Variants in TAMM41 observed in about 807,000 individuals in gnomAD.
TAMM41 encodes phosphatidate cytidylyltransferase, mitochondrial.
In TAMM41, 36 loss-of-function variants were observed where a neutral mutation model predicts 44.1. The observed-to-expected ratio is 0.82, with a 90% confidence interval of 0.63 to 1.08. The LOEUF (loss-of-function observed/expected upper bound fraction) is 1.08, where lower values mean the gene tolerates loss of function less well. TAMM41 is among the 50% of genes least tolerant of loss of function. TAMM41 has a pLI of 0.00. For missense variants in TAMM41, 417 were observed against 404.3 expected (o/e 1.03, Z -0.27); for synonymous variants, 164 against 153.1 (o/e 1.07, Z -0.53).
In TAMM41 at chr3:11,821,242, T is replaced by G. The variant is rs532039623; in HGVS notation, c.563-3905A>C. 6.6e-5 allele frequency among the ~76,000 whole-genome samples: 10 copies of G among 152,342 alleles called. No individual in the cohort carries two copies. In the South Asian group the frequency reaches 2.1e-3, roughly 32 times the overall value. ...ATTTATTGTGCACTTCATTTGTTATTATTACATTGTAATATATAATGAAAG... is the reference window on the plus strand; with the variant it reads ...ATTTATTGTGCACTTCATTTGTTATGATTACATTGTAATATATAATGAAAG... On this transcript the variant is annotated intron_variant, in intron 4 of 7. Transcript: ENST00000455809.
the TAMM41 span, among the ~76,000 whole-genome samples, chr3:11,764,587 C>G: frequency 2.0e-5 from 3 of 147,670 alleles, no homozygotes; most frequent in Non-Finnish European, 4.5e-5. Context: ...CCGCCTCCCA[C>G]GTTCACGCCA....
the TAMM41 span, among the ~76,000 whole-genome samples, chr3:11,756,430 GTC>G: frequency 6.6e-6 from 1 of 152,212 alleles, no homozygotes; most frequent in East Asian, 1.9e-4. Context: ...TTTCCAGACA[GTC>G]TCTCAGTTAA....
intron 7 of TAMM41, among the ~76,000 whole-genome samples, chr3:11,795,379 T>G (rs1365970072): frequency 6.6e-6 from 1 of 152,178 alleles, no homozygotes; most frequent in Non-Finnish European, 1.5e-5. Context: ...TTCTGACTCC[T>G]CCTTCATGTC....
At chr3:11,730,487 C>A in the TAMM41 span, among the ~76,000 whole-genome samples, 2 of 150,692 alleles carry the variant, frequency 1.3e-5, no homozygotes, top group Non-Finnish European at 2.9e-5. Flanking sequence ...GTAATCCCAA[C>A]ATTTTGGGAG....
the TAMM41 span, among the ~76,000 whole-genome samples, chr3:11,749,522 C>A: frequency 9.2e-5 from 14 of 152,332 alleles, 1 homozygote; most frequent in East Asian, 2.7e-3. Context: ...TTGTTTAGTA[C>A]TAGAGTTGCT....
intron 7 of TAMM41, among the ~76,000 whole-genome samples, chr3:11,806,440 C>T (rs1056713891): frequency 6.6e-6 from 1 of 152,030 alleles, no homozygotes; most frequent in Non-Finnish European, 1.5e-5. Context: ...ATGCAAAAAA[C>T]AGGAGCATTC....
rs146536030 is a variant in TAMM41, at chr3:11,825,705, G to A, written c.562+4009C>T. 1.0e-3 allele frequency among the ~76,000 whole-genome samples: 155 copies of A among 152,236 alleles called. No individual in the cohort carries two copies. In the East Asian group the frequency reaches 0.024, roughly 23 times the overall value. On this transcript the variant is annotated intron_variant, in intron 4 of 7. Transcript: ENST00000455809. Reference sequence around the variant, plus strand: ...CTCTCATAGGAGAGTGCCCGAAAGTGTTTTTCATTCCATGAGGACCTTAAC... The same window carrying A: ...CTCTCATAGGAGAGTGCCCGAAAGTATTTTTCATTCCATGAGGACCTTAAC...
chr3:11,775,885 T>G, the TAMM41 span, among the ~76,000 whole-genome samples: 1 of 152,212 alleles, frequency 6.6e-6, no homozygotes, highest in Non-Finnish European at 1.5e-5. Flanking sequence ...GAAGTGTGTG[T>G]GTGTGAGATC....
chr3:11,840,750 A>G (rs1253480669), intron 2 of TAMM41, among the ~76,000 whole-genome samples: 1 of 151,994 alleles, frequency 6.6e-6, no homozygotes, highest in Admixed American at 6.6e-5. Context: ...ACAGTTTGAG[A>G]AGTGATAATT....
the TAMM41 span, among the ~76,000 whole-genome samples, chr3:11,723,329 C>T: frequency 6.6e-6 from 1 of 151,996 alleles, no homozygotes; most frequent in African/African-American, 2.4e-5. Context: ...CCTGTATTCC[C>T]AGCACTTTGG....
chr3:11,798,049 G>A (rs939753504), intron 7 of TAMM41, among the ~76,000 whole-genome samples: 1 of 152,182 alleles, frequency 6.6e-6, no homozygotes, highest in Admixed American at 6.5e-5. Flanking sequence ...ACTGCTGGCA[G>A]GGGTGTAAAT....
the TAMM41 span, among the ~76,000 whole-genome samples, chr3:11,780,219 C>T: frequency 2.0e-5 from 3 of 152,234 alleles, no homozygotes; most frequent in South Asian, 6.2e-4. Context: ...AGACCTTTCA[C>T]GATCTGGCCT....
intron 3 of TAMM41, chr3:11,832,891 C>T: frequency 1.4e-6 from 1 of 725,542 alleles, no homozygotes; most frequent in Non-Finnish European, 1.7e-6. Flanking sequence ...GGGAAATTTT[C>T]CCAGTTAACA....
At chr3:11,754,116 AC>A in the TAMM41 span, among the ~76,000 whole-genome samples, 1 of 151,028 alleles carries the variant, frequency 6.6e-6, no homozygotes, top group African/African-American at 2.4e-5. Context: ...GGTAACCGAG[AC>A]CCCCTGCTCC....
chr3:11,738,808 G>A, the TAMM41 span, among the ~76,000 whole-genome samples: 1 of 152,118 alleles, frequency 6.6e-6, no homozygotes, highest in African/African-American at 2.4e-5. Flanking sequence ...CTCAGGCCTC[G>A]TCCCACACAT....
the TAMM41 span, among the ~76,000 whole-genome samples, chr3:11,778,165 T>C: frequency 1.3e-5 from 2 of 152,166 alleles, no homozygotes; most frequent in Non-Finnish European, 2.9e-5. Flanking sequence ...ACATATATTT[T>C]CATTTCTCTT....
chr3:11,740,949 G>A, the TAMM41 span, among the ~76,000 whole-genome samples: 1 of 146,910 alleles, frequency 6.8e-6, no homozygotes, highest in Middle Eastern at 3.4e-3. Context: ...GGCCGGGCGT[G>A]GTGGCTCACG....
chr3:11,821,537 C>T (rs1377457123), intron 4 of TAMM41, among the ~76,000 whole-genome samples: 1 of 152,196 alleles, frequency 6.6e-6, no homozygotes, highest in Non-Finnish European at 1.5e-5. Flanking sequence ...ATGAAGCTCG[C>T]CCACCACTCA....
the TAMM41 span, among the ~76,000 whole-genome samples, chr3:11,767,912 C>T: frequency 6.0e-3 from 903 of 151,068 alleles, 12 homozygotes; most frequent in African/African-American, 0.021. Flanking sequence ...CGTGAGCCAC[C>T]GCGCCTGGCC....
Sources: gnomAD v4.1 joint callset for allele counts (sites outside exome capture counted in the v4.1 genomes callset) on GRCh38, gnomAD v4.1.1 for gene constraint, MANE v1.5 for transcripts, NCBI Gene and HGNC (gene_info 2026-07-23, HGNC 2026-07-21) for gene names.